CCDC141: variants seen among roughly 807,000 people sequenced by gnomAD.
The protein encoded by CCDC141 is coiled-coil domain containing 141, also known as coiled-coil domain-containing protein 141.
CCDC141 carries 168 observed loss-of-function variants against 181.0 expected under a neutral mutation model. That is an observed-to-expected ratio of 0.93 (90% CI 0.82 to 1.05). The LOEUF (loss-of-function observed/expected upper bound fraction) is 1.05, where lower values mean the gene tolerates loss of function less well. CCDC141 is among the 50% of genes least tolerant of loss of function. The pLI is 0.00. For synonymous variants in CCDC141, 666 were observed against 642.3 expected, an observed-to-expected ratio of 1.04 and a Z score of -0.56; for missense variants, 1,902 against 1,788.5, an observed-to-expected ratio of 1.06 and a Z score of -1.14.
At chr2:178,971,325 C>T (rs1434296626) in intron 4 of CCDC141, among the ~76,000 whole-genome samples, 9 of 152,180 alleles carry the variant, frequency 5.9e-5, no homozygotes, top group Non-Finnish European at 1.2e-4. Flanking sequence ...AAAAAATGCT[C>T]GTCATCACTG....
chr2:179,033,142 C>T (rs1425934184), intron 2 of CCDC141, among the ~76,000 whole-genome samples: 2 of 151,502 alleles, frequency 1.3e-5, no homozygotes, highest in East Asian at 3.9e-4. Flanking sequence ...AAAATGCTCT[C>T]ATTCTAGGCT....
chr2:178,985,188 A>G (rs1691663647), intron 2 of CCDC141, among the ~76,000 whole-genome samples: 1 of 151,772 alleles, frequency 6.6e-6, no homozygotes, highest in Admixed American at 6.6e-5. Flanking sequence ...AACGACATGG[A>G]AACTGAAGAA....
intron 5 of CCDC141, among the ~76,000 whole-genome samples, chr2:178,959,815 C>T (rs537275541): frequency 7.9e-5 from 12 of 152,234 alleles, no homozygotes; most frequent in African/African-American, 2.7e-4. Flanking sequence ...GGTCTCTGCT[C>T]TATGCCACTT....
intron 2 of CCDC141, among the ~76,000 whole-genome samples, chr2:179,043,291 G>A (rs1159996159): frequency 6.6e-6 from 1 of 152,140 alleles, no homozygotes; most frequent in Non-Finnish European, 1.5e-5. Flanking sequence ...TCTATCAGAG[G>A]TATAAAGAAG....
chr2:178,827,660 A>T (rs1684145425), downstream of CCDC141, among the ~76,000 whole-genome samples: 1 of 152,118 alleles, frequency 6.6e-6, no homozygotes, highest in Non-Finnish European at 1.5e-5. Context: ...AAGCTGAGGT[A>T]TTCTAGCACA....
intron 17 of CCDC141, among the ~76,000 whole-genome samples, chr2:178,864,228 G>T (rs1376386286): frequency 6.6e-6 from 1 of 152,056 alleles, no homozygotes; most frequent in Non-Finnish European, 1.5e-5. Context: ...GAGGGAAAAC[G>T]GGAAGAAAGG....
At chr2:178,981,636 G>GTGTCTATATATATATATATA (rs1313433628) in intron 2 of CCDC141, among the ~76,000 whole-genome samples, 4 of 62,404 alleles carry the variant, frequency 6.4e-5, no homozygotes. Context: ...GTGTGTGTGT[G>GTGTCTATATATATATATATA]TATATATATA....
At chr2:178,988,243 C>G (rs1399108028) in intron 2 of CCDC141, among the ~76,000 whole-genome samples, 1 of 148,108 alleles carries the variant, frequency 6.8e-6, no homozygotes, top group Non-Finnish European at 1.5e-5. Flanking sequence ...ACCGTATATT[C>G]TCACTCATAG....
chr2:179,038,876 G>T (rs934199433), intron 2 of CCDC141, among the ~76,000 whole-genome samples: 4 of 152,134 alleles, frequency 2.6e-5, no homozygotes, highest in African/African-American at 9.7e-5. Flanking sequence ...GACTCTTACA[G>T]TCATAATTCC....
chr2:178,992,340 C>G (rs908818686), intron 2 of CCDC141, among the ~76,000 whole-genome samples: 1 of 118,612 alleles, frequency 8.4e-6, no homozygotes, highest in African/African-American at 3.2e-5. Context: ...TAAAATAGAC[C>G]TTTTTTTTTT....
At position 179,016,393 on chromosome 2, in the gene CCDC141, T is replaced by C. The variant is rs1406391127; in HGVS notation, c.225+30891A>G. Among the ~76,000 whole-genome samples, 4 of 152,016 alleles carry C rather than the reference T, an allele frequency of 2.6e-5. No homozygotes were observed. The East Asian group carries it at 7.7e-4, about 29-fold the overall frequency. On this transcript the variant is annotated intron_variant, in intron 2 of 23. Transcript: ENST00000443758. ...CCCCTCACCATAAAAAATGTATACATATAAACATATATTTAGAGGCAAGAT... is the reference window on the plus strand; with the variant it reads ...CCCCTCACCATAAAAAATGTATACACATAAACATATATTTAGAGGCAAGAT...
At chr2:179,032,465 T>C (rs1157998699) in intron 2 of CCDC141, among the ~76,000 whole-genome samples, 1 of 152,216 alleles carries the variant, frequency 6.6e-6, no homozygotes, top group Non-Finnish European at 1.5e-5. Context: ...TGGATCCTTT[T>C]TCCTCTGCTC....
chr2:178,845,718 G>A lies in CCDC141; in HGVS notation c.3382C>T (p.Pro1128Ser). ...LKQGDVLKMNPNLEDFHYDYI... is the reference protein window; with the variant it reads ...LKQGDVLKMNSNLEDFHYDYI... ...TCATAATGGAAGTCTTCCAAATTCG[G>A]ATTCATCTTTAAAACATCTCCCTGC... The change falls in exon 22 of 24, where the codon CCG becomes TCG. Residue 1128 changes from proline (P) to serine (S), a missense_variant. Physicochemically the swap from Pro to Ser is moderately conservative, Grantham distance 74. Coordinates refer to ENST00000443758, the MANE Select transcript of CCDC141 (RefSeq NM_173648.4). The A allele has an allele frequency of 6.2e-7, 1 of 1,610,678 alleles. No homozygotes were observed.
intron 12 of CCDC141, chr2:178,877,734 C>T: frequency 3.5e-6 from 2 of 565,746 alleles, no homozygotes; most frequent in South Asian, 4.9e-5. Flanking sequence ...GGATTACAGT[C>T]ACTTTCTTCT....
At chr2:178,942,809 A>G (rs1340266098) in intron 6 of CCDC141, among the ~76,000 whole-genome samples, 1 of 152,136 alleles carries the variant, frequency 6.6e-6, no homozygotes, top group Non-Finnish European at 1.5e-5. Context: ...TTTGCTGTGA[A>G]CTTAAAACTG....
At chr2:178,956,980 C>T (rs771071868) in intron 5 of CCDC141, among the ~76,000 whole-genome samples, 55 of 151,922 alleles carry the variant, frequency 3.6e-4, no homozygotes, top group Non-Finnish European at 6.2e-4. Flanking sequence ...CCCAGGTTCA[C>T]GCAATTCTGC....
chr2:178,872,241 T>C lies in CCDC141; in HGVS notation c.1971A>G (p.Lys657=), dbSNP rs1326513254. The C allele has an allele frequency of 6.2e-7, 1 of 1,614,114 alleles. No homozygotes were observed. The highest frequency in any genetic ancestry group is 2.2e-5 in the East Asian group (1 of 44,866). The change falls in exon 13 of 24, where the codon AAA becomes AAG. Residue 657 remains lysine (K), a synonymous_variant. Transcript: ENST00000443758. ...YLMKNTMENQ[K]AEREELSLLR... is the part of the protein sequence containing the mutation. ...GGAGGCTAAGTTCTTCCCGTTCTGC[T>C]TTCTGGTTTTCCATGGTGTTCTTCA...
Position 178,996,347 on chromosome 2 carries a change from G to A in CCDC141, c.226-17672C>T, listed in dbSNP as rs188464956. On this transcript the variant is annotated intron_variant, in intron 2 of 23. Coordinates refer to ENST00000443758, the MANE Select transcript of CCDC141 (RefSeq NM_173648.4). Reference sequence around the variant, plus strand: ...TCTGCCTTGGCCTCCCAAAGTGCTGGGATTAAAGGTGTGAGCCACCGCACC... The same window carrying A: ...TCTGCCTTGGCCTCCCAAAGTGCTGAGATTAAAGGTGTGAGCCACCGCACC... 1.9e-3 allele frequency among the ~76,000 whole-genome samples: 288 copies of A among 152,120 alleles called. 1 individual carries two copies. The highest frequency in any genetic ancestry group is 6.8e-3 in the African/African-American group (282 of 41,484).
At chr2:178,995,407 CT>C (rs1446409831) in intron 2 of CCDC141, among the ~76,000 whole-genome samples, 1 of 152,112 alleles carries the variant, frequency 6.6e-6, no homozygotes, top group Non-Finnish European at 1.5e-5. Context: ...CGGGAAAGAC[CT>C]GCTCCCATGA....
Sources: allele counts gnomAD v4.1 joint callset (sites outside exome capture counted in the v4.1 genomes callset), GRCh38; gene constraint gnomAD v4.1.1; transcripts MANE v1.5; gene names NCBI Gene and HGNC (gene_info 2026-07-23, HGNC 2026-07-21).